The following CNTN1 variants were observed in gnomAD, a reference collection of about 807,000 sequenced individuals.
The protein encoded by CNTN1 is contactin 1, also known as contactin-1.
A neutral mutation model predicts 126.4 loss-of-function variants in CNTN1; 38 were observed. That is an observed-to-expected ratio of 0.30 (90% CI 0.23 to 0.39). The LOEUF is 0.39. CNTN1 is among the 10% of genes least tolerant of loss of function. CNTN1 has a pLI of 1.00. For missense variants in CNTN1, 1,009 were observed against 1,248.4 expected (o/e 0.81, Z 2.89); for synonymous variants, 413 against 422.6 (o/e 0.98, Z 0.28).
chr12:40,819,811 G>A (rs1280349484), intron 1 of CNTN1, among the ~76,000 whole-genome samples: 1 of 152,186 alleles, frequency 6.6e-6, no homozygotes, highest in Non-Finnish European at 1.5e-5. Flanking sequence ...TTCACAAGTA[G>A]GATCTTCCGA....
chr12:40,926,640 T>C (rs1054613574), intron 6 of CNTN1, among the ~76,000 whole-genome samples: 2 of 152,022 alleles, frequency 1.3e-5, no homozygotes, highest in Admixed American at 6.6e-5. Flanking sequence ...AGGACAAAGG[T>C]GGAAACAAGA....
chr12:40,870,164 A>C (rs1424797405), intron 1 of CNTN1, among the ~76,000 whole-genome samples: 2 of 150,130 alleles, frequency 1.3e-5, no homozygotes, highest in African/African-American at 4.9e-5. Flanking sequence ...AGTCCAATAA[A>C]TCTCTTTTTT....
At chr12:40,699,194 T>G (rs1464752074) in intron 1 of CNTN1, among the ~76,000 whole-genome samples, 1 of 152,252 alleles carries the variant, frequency 6.6e-6, no homozygotes, top group Non-Finnish European at 1.5e-5. Context: ...TTTTTCTTTG[T>G]GTCTGATAGA....
intron 23 of CNTN1, among the ~76,000 whole-genome samples, chr12:41,035,285 T>C (rs1209227461): frequency 6.6e-6 from 1 of 152,224 alleles, no homozygotes; most frequent in Non-Finnish European, 1.5e-5. Context: ...AGAATAATTT[T>C]CATTAATGAA....
At chr12:40,718,525 A>G (rs1355769196) in intron 1 of CNTN1, among the ~76,000 whole-genome samples, 4 of 152,080 alleles carry the variant, frequency 2.6e-5, no homozygotes, top group Admixed American at 2.6e-4. Context: ...CTTCCAGTCA[A>G]CACTGGGGGC....
chr12:40,751,661 A>G (rs1212579704), intron 1 of CNTN1, among the ~76,000 whole-genome samples: 3 of 152,074 alleles, frequency 2.0e-5, no homozygotes, highest in Non-Finnish European at 4.4e-5. Flanking sequence ...GTAAAGAAAC[A>G]CTATAATTCA....
rs189021521 is a variant in CNTN1 at position 41,006,438 on chromosome 12, C to T, written c.2114-7790C>T. Reference sequence around the variant, plus strand: ...CTGCTGGAGACTGTGTGTGGGCATGCTGGAGGTGGTATTAGCTCAGGGGCT... The same window carrying T: ...CTGCTGGAGACTGTGTGTGGGCATGTTGGAGGTGGTATTAGCTCAGGGGCT... On this transcript the variant is annotated intron_variant, in intron 17 of 23. Coordinates refer to ENST00000551295, the MANE Select transcript of CNTN1 (RefSeq NM_001843.4). 2.0e-5 allele frequency among the ~76,000 whole-genome samples: 3 copies of T among 152,256 alleles called. No homozygotes were observed. The East Asian group carries it at 5.8e-4, about 29-fold the overall frequency.
At chr12:40,769,516 C>CTGACA (rs1420368751) in intron 1 of CNTN1, among the ~76,000 whole-genome samples, 1 of 152,086 alleles carries the variant, frequency 6.6e-6, no homozygotes, top group Non-Finnish European at 1.5e-5. Context: ...GATATTTATT[C>CTGACA]TGACATTTAT....
chr12:40,911,725 G>A (rs940511763), intron 3 of CNTN1, among the ~76,000 whole-genome samples: 2 of 152,176 alleles, frequency 1.3e-5, no homozygotes, highest in African/African-American at 4.8e-5. Context: ...GGCAAATAGA[G>A]CATGCTTGTT....
intron 23 of CNTN1, among the ~76,000 whole-genome samples, chr12:41,050,880 T>TA (rs1949660223): frequency 6.6e-6 from 1 of 152,150 alleles, no homozygotes; most frequent in Non-Finnish European, 1.5e-5. Context: ...TGTTACCACT[T>TA]ATGAAATTTT....
At chr12:40,780,919 CTT>C (rs35794121) in intron 1 of CNTN1, among the ~76,000 whole-genome samples, 36 of 147,404 alleles carry the variant, frequency 2.4e-4, no homozygotes, top group South Asian at 4.3e-4. Flanking sequence ...TGATGGAAAT[CTT>C]TTTTTTTTTT....
chr12:40,768,175 A>T (rs1939191348), intron 1 of CNTN1, among the ~76,000 whole-genome samples: 1 of 152,220 alleles, frequency 6.6e-6, no homozygotes, highest in African/African-American at 2.4e-5. Context: ...AATTATTAAT[A>T]GTTGCTGTGT....
intron 16 of CNTN1, among the ~76,000 whole-genome samples, chr12:40,986,520 G>T (rs1039265121): frequency 4.6e-5 from 7 of 152,050 alleles, no homozygotes; most frequent in East Asian, 1.9e-4. Flanking sequence ...TCAGATTTCG[G>T]CAGACTCTTC....
At chr12:41,029,923 C>G (rs762139402) in intron 23 of CNTN1, among the ~76,000 whole-genome samples, 1 of 151,420 alleles carries the variant, frequency 6.6e-6, no homozygotes, top group African/African-American at 2.4e-5. Flanking sequence ...TTATTTCTGG[C>G]AATCTGTTAT....
chr12:40,926,220 G>T (rs1193620706), intron 6 of CNTN1, among the ~76,000 whole-genome samples: 2 of 150,858 alleles, frequency 1.3e-5, no homozygotes, highest in Admixed American at 1.3e-4. Flanking sequence ...TAGATAGATA[G>T]ATATAATGCA....
At chr12:40,880,745 A>C (rs1943844103) in intron 1 of CNTN1, among the ~76,000 whole-genome samples, 1 of 151,990 alleles carries the variant, frequency 6.6e-6, no homozygotes, top group South Asian at 2.1e-4. Context: ...GGCTGTACGA[A>C]TACTCTGGAA....
chr12:40,971,733 CT>C lies in CNTN1; in HGVS notation c.1805-9175del, dbSNP rs561159413. 4.4e-4 allele frequency: 582 copies of C among 1,318,768 alleles called. 4 individuals are homozygous for C. The African/African-American group carries it at 5.7e-3, about 13-fold the overall frequency. 81.7% of individuals were successfully genotyped at this position (1,318,768 alleles called of 1,614,324 possible). ...TAATACCTTAAAAATGCCTAGTGAA[CT>C]AACTCAGTACATTATATAATGGCCA... On this transcript the variant is annotated intron_variant, in intron 15 of 23. Transcript: ENST00000551295.
At chr12:40,852,531 C>CT (rs879385702) in intron 1 of CNTN1, among the ~76,000 whole-genome samples, 3,489 of 145,848 alleles carry the variant, frequency 0.024, 45 homozygotes, top group Non-Finnish European at 0.032. Context: ...TGTGTGCTGC[C>CT]TTTTTTTTTT....
chr12:40,949,333 C>T (rs12315789), intron 14 of CNTN1, among the ~76,000 whole-genome samples: 17,689 of 149,960 alleles, frequency 0.12, 1,093 homozygotes, highest in Non-Finnish European at 0.12. Flanking sequence ...TTGTGCAGGT[C>T]ACATATGTAT....
Sources: gnomAD v4.1 joint callset for allele counts (sites outside exome capture counted in the v4.1 genomes callset) on GRCh38, gnomAD v4.1.1 for gene constraint, MANE v1.5 for transcripts, NCBI Gene and HGNC (gene_info 2026-07-23, HGNC 2026-07-21) for gene names.